LRMDA: variants seen among roughly 807,000 people sequenced by gnomAD.
LRMDA encodes leucine rich melanocyte differentiation associated, also known as leucine-rich melanocyte differentiation-associated protein.
In LRMDA, 18 loss-of-function variants were observed where a neutral mutation model predicts 29.8. The observed-to-expected ratio is 0.60, with a 90% CI of 0.42 to 0.90. LRMDA has a LOEUF of 0.90. LRMDA is among the 40% of genes least tolerant of loss of function. The pLI is 0.00. For missense variants in LRMDA, 273 were observed against 273.9 expected, an observed-to-expected ratio of 1.00 and a Z score of 0.02; for synonymous variants, 125 against 109.4, an observed-to-expected ratio of 1.14 and a Z score of -0.89.
chr10:75,639,377 G>A (rs1454851625), intron 2 of LRMDA, among the ~76,000 whole-genome samples: 1 of 152,192 alleles, frequency 6.6e-6, no homozygotes. Context: ...GCTGGTAAGG[G>A]TGGAGATGAG....
intron 2 of LRMDA, among the ~76,000 whole-genome samples, chr10:75,930,884 T>C (rs1846194814): frequency 6.6e-6 from 1 of 152,208 alleles, no homozygotes; most frequent in Non-Finnish European, 1.5e-5. Flanking sequence ...ATTCCAGCTA[T>C]AGTTATTCTT....
At chr10:75,569,163 C>T (rs1037333550) in intron 2 of LRMDA, among the ~76,000 whole-genome samples, 4 of 152,142 alleles carry the variant, frequency 2.6e-5, no homozygotes, top group African/African-American at 9.7e-5. Context: ...TTCTCTCTTT[C>T]TCTGTATTGT....
Position 75,790,297 on chromosome 10 carries a change from G to A in LRMDA, c.132-245711G>A, listed in dbSNP as rs546281531. On this transcript the variant is annotated intron_variant, in intron 2 of 6. Coordinates refer to ENST00000611255, the MANE Select transcript of LRMDA (RefSeq NM_001305581.2). ...ACCTTGCTAAATGTCTCTGGGTGGAGGGCAGATTCACTCCCAGTTGAGAAC... is the reference window on the plus strand; with the variant it reads ...ACCTTGCTAAATGTCTCTGGGTGGAAGGCAGATTCACTCCCAGTTGAGAAC... 1.1e-4 allele frequency among the ~76,000 whole-genome samples: 16 copies of A among 152,234 alleles called. No homozygotes were observed. In the East Asian group the frequency reaches 3.1e-3, roughly 29 times the overall value.
chr10:76,422,087 G>A (rs1380219466), intron 6 of LRMDA, among the ~76,000 whole-genome samples: 3 of 152,060 alleles, frequency 2.0e-5, no homozygotes, highest in Non-Finnish European at 4.4e-5. Context: ...GGTCCTCGCT[G>A]AAAGTCTGGG....
intron 2 of LRMDA, among the ~76,000 whole-genome samples, chr10:75,465,606 A>G (rs1185237207): frequency 6.6e-6 from 1 of 152,190 alleles, no homozygotes; most frequent in Non-Finnish European, 1.5e-5. Flanking sequence ...ATTAACACCC[A>G]CTAAATTTAG....
In LRMDA at chr10:76,332,997, C is replaced by T. The variant is rs575192575; in HGVS notation, c.601+8512C>T. ...TGGTAAAAGCTGCAAATGCTCTCAA[C>T]GTTTAGAAAAGATAGCGTGCAATGT... On this transcript the variant is annotated intron_variant, in intron 6 of 6. Coordinates refer to ENST00000611255, the MANE Select transcript of LRMDA (RefSeq NM_001305581.2). 1.1e-3 allele frequency among the ~76,000 whole-genome samples: 166 copies of T among 152,256 alleles called. 1 individual carries two copies. Among genetic ancestry groups the T allele is most frequent in the African/African-American group, 3.9e-3 (161 of 41,558 alleles).
At chr10:76,507,098 G>A (rs1296915605) in intron 6 of LRMDA, among the ~76,000 whole-genome samples, 1 of 151,826 alleles carries the variant, frequency 6.6e-6, no homozygotes, top group Admixed American at 6.6e-5. Flanking sequence ...ATCTTTACCA[G>A]CATCTGTTAT....
intron 2 of LRMDA, among the ~76,000 whole-genome samples, chr10:75,629,465 G>A (rs1436815969): frequency 6.6e-6 from 1 of 152,126 alleles, no homozygotes; most frequent in Admixed American, 6.5e-5. Context: ...TGCCAGAATC[G>A]CTGTGTGCAG....
intron 2 of LRMDA, among the ~76,000 whole-genome samples, chr10:75,489,422 A>C (rs1844957062): frequency 6.6e-6 from 1 of 152,158 alleles, no homozygotes; most frequent in African/African-American, 2.4e-5. Context: ...TTTTGCTAAC[A>C]ACCTCCCACA....
Position 76,313,057 on chromosome 10 carries a change from T to C in LRMDA, c.517-11344T>C, listed in dbSNP as rs150502277. On this transcript the variant is annotated intron_variant, in intron 5 of 6. Transcript: ENST00000611255. ...ACCTTTATTGGGAAGGGAGGCAGCA[T>C]AACATTGTAATTGCCAAGACAGCAG... Among the ~76,000 whole-genome samples the C allele has an allele frequency of 2.7e-4, 41 of 152,242 alleles. No individual in the cohort carries two copies. In the East Asian group the frequency reaches 7.4e-3, roughly 27 times the overall value.
At chr10:76,097,063 T>C (rs1589325388) in intron 5 of LRMDA, among the ~76,000 whole-genome samples, 1 of 152,264 alleles carries the variant, frequency 6.6e-6, no homozygotes, top group East Asian at 1.9e-4. Context: ...CAGGCTGGAG[T>C]GCAGTGGCAT....
At chr10:75,699,122 A>C (rs1470343033) in intron 2 of LRMDA, among the ~76,000 whole-genome samples, 1 of 151,472 alleles carries the variant, frequency 6.6e-6, no homozygotes, top group Admixed American at 6.6e-5. Context: ...AATCACTTGA[A>C]CCTGAGAGGC....
chr10:75,837,270 A>C (rs1224173885), intron 2 of LRMDA, among the ~76,000 whole-genome samples: 1 of 152,294 alleles, frequency 6.6e-6, no homozygotes, highest in African/African-American at 2.4e-5. Flanking sequence ...ACAGATAGTC[A>C]CTACTCCTGT....
chr10:75,816,695 G>A (rs555936166), intron 2 of LRMDA, among the ~76,000 whole-genome samples: 1 of 152,298 alleles, frequency 6.6e-6, no homozygotes, highest in South Asian at 2.1e-4. Flanking sequence ...GCAAAAAGCA[G>A]GATTTGTTAA....
At chr10:75,944,763 T>A (rs1337396818) in intron 2 of LRMDA, among the ~76,000 whole-genome samples, 1 of 148,568 alleles carries the variant, frequency 6.7e-6, no homozygotes, top group Admixed American at 6.7e-5. Context: ...TAAAATAAAA[T>A]ATATATGTAT....
chr10:76,542,328 T>A (rs73276753), intron 6 of LRMDA, among the ~76,000 whole-genome samples: 7,937 of 152,206 alleles, frequency 0.052, 258 homozygotes, highest in African/African-American at 0.083. Flanking sequence ...GCCGCTCAAT[T>A]TTTTTTGGAG....
At chr10:76,036,734 G>A (rs2132030188) in intron 3 of LRMDA, among the ~76,000 whole-genome samples, 1 of 152,258 alleles carries the variant, frequency 6.6e-6, no homozygotes, top group Non-Finnish European at 1.5e-5. Flanking sequence ...CCTCCTCTAT[G>A]GAGGCAAGGA....
intron 5 of LRMDA, among the ~76,000 whole-genome samples, chr10:76,135,985 C>G (rs1305249972): frequency 1.3e-5 from 2 of 152,120 alleles, no homozygotes; most frequent in Non-Finnish European, 2.9e-5. Context: ...ACCTTCAGTG[C>G]TTTATCTTGT....
chr10:75,734,800 G>A (rs541973724), intron 2 of LRMDA, among the ~76,000 whole-genome samples: 6 of 152,280 alleles, frequency 3.9e-5, no homozygotes, highest in African/African-American at 1.4e-4. Context: ...CCAGGACTGG[G>A]AGAAAAAAAT....
Sources: allele counts gnomAD v4.1 joint callset (sites outside exome capture counted in the v4.1 genomes callset), GRCh38; gene constraint gnomAD v4.1.1; transcripts MANE v1.5; gene names NCBI Gene and HGNC (gene_info 2026-07-23, HGNC 2026-07-21).